LUZP2: variants seen among roughly 807,000 people sequenced by gnomAD.
LUZP2 encodes leucine zipper protein 2.
Under a neutral mutation model 51.6 loss-of-function variants are expected in LUZP2, and 52 were observed. The observed-to-expected ratio is 1.01, with a 90% confidence interval of 0.81 to 1.27. The LOEUF (loss-of-function observed/expected upper bound fraction) is 1.27. Ranked by LOEUF, LUZP2 falls within the 50% of genes most tolerant of loss-of-function variation. The probability of loss-of-function intolerance (pLI) is 0.00; values close to 1 mark genes in which losing one functional copy is unlikely to be tolerated. For missense variants in LUZP2, 436 were observed against 395.4 expected (o/e 1.10, Z -0.87); for synonymous variants, 154 against 137.3 (o/e 1.12, Z -0.85).
chr11:24,781,229 G>A (rs1849081539), intron 5 of LUZP2, among the ~76,000 whole-genome samples: 1 of 151,996 alleles, frequency 6.6e-6, no homozygotes, highest in African/African-American at 2.4e-5. Flanking sequence ...CATGTGCCAT[G>A]GTGGTTTACT....
chr11:24,839,735 C>T (rs553034844), intron 5 of LUZP2, among the ~76,000 whole-genome samples: 24 of 151,722 alleles, frequency 1.6e-4, no homozygotes, highest in Admixed American at 3.9e-4. Context: ...AGAACACTCT[C>T]GGGGTCCATT....
chr11:25,050,173 A>G (rs753148040), intron 10 of LUZP2, 43 bp downstream of exon 10: 1 of 1,169,144 alleles, frequency 8.6e-7, no homozygotes, highest in Non-Finnish European at 1.2e-6. Context: ...TAGACAGGAG[A>G]AAAAAGCACA....
chr11:24,704,495 G>T (rs1191987856), intron 1 of LUZP2, among the ~76,000 whole-genome samples: 2 of 150,254 alleles, frequency 1.3e-5, no homozygotes, highest in African/African-American at 4.9e-5. Context: ...ACATATTTTT[G>T]TGTGTATATG....
At chr11:24,633,330 A>G (rs1237419050) in intron 1 of LUZP2, among the ~76,000 whole-genome samples, 1 of 152,064 alleles carries the variant, frequency 6.6e-6, no homozygotes, top group Non-Finnish European at 1.5e-5. Context: ...AAATCCAAAT[A>G]TATAAAGTTG....
At chr11:24,892,988 G>A (rs1033685696) in intron 5 of LUZP2, 1 of 152,100 alleles carries the variant, frequency 6.6e-6, no homozygotes, top group African/African-American at 2.4e-5. Context: ...ACCTAACTTT[G>A]TCACATATTT....
At chr11:24,646,299 A>G (rs535613421) in intron 1 of LUZP2, among the ~76,000 whole-genome samples, 8 of 152,234 alleles carry the variant, frequency 5.3e-5, no homozygotes, top group African/African-American at 1.9e-4. Flanking sequence ...ACAAATGCTT[A>G]TAACAGTTTT....
chr11:24,749,130 G>T lies in LUZP2; in HGVS notation c.333+10828G>T, dbSNP rs975798885. Among the ~76,000 whole-genome samples the T allele has an allele frequency of 2.6e-5, 4 of 152,156 alleles. 1 individual carries two copies. Among genetic ancestry groups the T allele is most frequent in the Admixed American group, 2.6e-4 (4 of 15,270 alleles). On this transcript the variant is annotated intron_variant, in intron 4 of 11. Transcript: ENST00000336930. ...GTTAGAAAATGTATGTATTACTATA[G>T]AAACAGCTTACAGTAGAGGCCAAAA...
At chr11:24,955,560 C>A (rs1590770102) in intron 7 of LUZP2, among the ~76,000 whole-genome samples, 1 of 151,818 alleles carries the variant, frequency 6.6e-6, no homozygotes, top group East Asian at 1.9e-4. Context: ...AAATAATTAA[C>A]CCTGATAATA....
intron 1 of LUZP2, among the ~76,000 whole-genome samples, chr11:24,532,468 A>G (rs1851036740): frequency 6.6e-6 from 1 of 151,068 alleles, no homozygotes; most frequent in Admixed American, 6.6e-5. Flanking sequence ...AATAACTGCC[A>G]GTGAGATGCT....
chr11:24,926,227 A>G (rs1466338889), intron 7 of LUZP2, among the ~76,000 whole-genome samples: 2 of 146,688 alleles, frequency 1.4e-5, no homozygotes. Flanking sequence ...ATATACGTGT[A>G]TATATATATG....
At chr11:25,014,342 C>T (rs2133963032) in intron 9 of LUZP2, among the ~76,000 whole-genome samples, 1 of 152,308 alleles carries the variant, frequency 6.6e-6, no homozygotes, top group Middle Eastern at 3.4e-3. Context: ...TCCACAATGG[C>T]TGAACTAGTT....
chr11:25,018,049 T>TTGTTTTGTTTTG (rs1554955737), intron 9 of LUZP2, among the ~76,000 whole-genome samples: 8 of 100,968 alleles, frequency 7.9e-5, no homozygotes, highest in Non-Finnish European at 1.0e-4. Flanking sequence ...TTTTTTTTTG[T>TTGTTTTGTTTTG]TTTTTTTTTT....
intron 1 of LUZP2, among the ~76,000 whole-genome samples, chr11:24,585,672 A>G (rs1853038437): frequency 6.6e-6 from 1 of 152,138 alleles, no homozygotes; most frequent in Non-Finnish European, 1.5e-5. Flanking sequence ...GGGTCTGCTG[A>G]AGAAAAAACA....
chr11:24,986,447 AT>A (rs1856189715), intron 9 of LUZP2, among the ~76,000 whole-genome samples: 1 of 151,368 alleles, frequency 6.6e-6, no homozygotes, highest in South Asian at 2.1e-4. Flanking sequence ...ATGTTATCAG[AT>A]TGAAATTGGT....
At chr11:24,499,985 T>A (rs1849943545) in intron 1 of LUZP2, among the ~76,000 whole-genome samples, 1 of 152,154 alleles carries the variant, frequency 6.6e-6, no homozygotes, top group Non-Finnish European at 1.5e-5. Context: ...TAAACAGAAA[T>A]TTTTGAATAG....
intron 5 of LUZP2, among the ~76,000 whole-genome samples, chr11:24,883,360 A>T (rs1852551888): frequency 7.2e-6 from 1 of 138,714 alleles, no homozygotes; most frequent in African/African-American, 3.4e-5. Flanking sequence ...GCCCCAATCA[A>T]CTCAAACTGA....
At chr11:25,037,484 T>G (rs1380088708) in intron 9 of LUZP2, among the ~76,000 whole-genome samples, 1 of 152,174 alleles carries the variant, frequency 6.6e-6, no homozygotes, top group Non-Finnish European at 1.5e-5. Flanking sequence ...GTGTGATTTT[T>G]GATTCTGTCA....
intron 1 of LUZP2, among the ~76,000 whole-genome samples, chr11:24,724,676 A>G (rs1483156557): frequency 1.3e-5 from 2 of 152,228 alleles, no homozygotes; most frequent in African/African-American, 4.8e-5. Flanking sequence ...CTTAGGCAAC[A>G]TGATTAATAA....
intron 7 of LUZP2, among the ~76,000 whole-genome samples, chr11:24,973,832 C>T (rs536707600): frequency 9.9e-5 from 15 of 151,790 alleles, no homozygotes; most frequent in Admixed American, 3.3e-4. Flanking sequence ...TTGCATTTAC[C>T]GAGGAGTGTT....
Sources: gnomAD v4.1 joint callset for allele counts (sites outside exome capture counted in the v4.1 genomes callset) on GRCh38, gnomAD v4.1.1 for gene constraint, MANE v1.5 for transcripts, NCBI Gene and HGNC (gene_info 2026-07-23, HGNC 2026-07-21) for gene names.